The following ENTREP2 variants were observed in gnomAD, a reference collection of about 807,000 sequenced individuals.
The protein encoded by ENTREP2 is endosomal transmembrane epsin interactor 2, also known as protein ENTREP2.
chr15:29,465,622 T>C, the ENTREP2 span, among the ~76,000 whole-genome samples: 1 of 152,232 alleles, frequency 6.6e-6, no homozygotes, highest in Admixed American at 6.5e-5. Flanking sequence ...CTCTAAAGGC[T>C]TCCTGACTCT....
At chr15:29,570,756 C>G in the ENTREP2 span, 1 of 877,762 alleles carries the variant, frequency 1.1e-6, no homozygotes, top group African/African-American at 2.6e-5. Context: ...CGCCCGCTCC[C>G]GCCCGGCCCG....
the ENTREP2 span, among the ~76,000 whole-genome samples, chr15:29,241,804 C>T: frequency 7.2e-5 from 11 of 152,158 alleles, no homozygotes; most frequent in Admixed American, 3.9e-4. Flanking sequence ...AGGCTAAGGC[C>T]GGAGGATCAG....
chr15:29,490,280 G>A, the ENTREP2 span, among the ~76,000 whole-genome samples: 1 of 152,002 alleles, frequency 6.6e-6, no homozygotes, highest in African/African-American at 2.4e-5. Flanking sequence ...CAGAAGCAAA[G>A]CTGCAGAACT....
chr15:29,222,533 A>G, the ENTREP2 span, among the ~76,000 whole-genome samples: 1 of 152,174 alleles, frequency 6.6e-6, no homozygotes, highest in South Asian at 2.1e-4. Context: ...TTTCGGTAAC[A>G]CTGTCACCCT....
the ENTREP2 span, among the ~76,000 whole-genome samples, chr15:29,129,831 C>T: frequency 6.6e-6 from 1 of 152,146 alleles, no homozygotes; most frequent in African/African-American, 2.4e-5. Flanking sequence ...ATGCCAGCTA[C>T]ACACATGTTG....
the ENTREP2 span, among the ~76,000 whole-genome samples, chr15:29,425,688 A>G: frequency 2.6e-5 from 4 of 151,744 alleles, no homozygotes; most frequent in African/African-American, 9.7e-5. Flanking sequence ...ATTTTGTTCA[A>G]TTTTTGTTGT....
chr15:29,601,801 A>C, the ENTREP2 span, among the ~76,000 whole-genome samples: 1 of 152,292 alleles, frequency 6.6e-6, no homozygotes, highest in Middle Eastern at 3.4e-3. Flanking sequence ...GCACAACTAC[A>C]CACTTTGCTG....
chr15:29,664,928 A>G, the ENTREP2 span, among the ~76,000 whole-genome samples: 1 of 152,148 alleles, frequency 6.6e-6, no homozygotes, highest in East Asian at 1.9e-4. Flanking sequence ...CCCCAATCCA[A>G]CTTTCTCTGC....
the ENTREP2 span, among the ~76,000 whole-genome samples, chr15:29,369,263 G>C: frequency 6.6e-6 from 1 of 152,076 alleles, no homozygotes; most frequent in Non-Finnish European, 1.5e-5. Context: ...AACTCAAAGA[G>C]ATCCATGCCT....
chr15:29,158,931 G>A, the ENTREP2 span, among the ~76,000 whole-genome samples: 113 of 151,552 alleles, frequency 7.5e-4, no homozygotes, highest in African/African-American at 2.3e-3. Context: ...TCCAGTCTAC[G>A]TAAGTTATGG....
At chr15:29,269,624 C>T in the ENTREP2 span, 4 of 1,569,430 alleles carry the variant, frequency 2.5e-6, no homozygotes, top group East Asian at 2.5e-5. Context: ...CGCGAAGCCC[C>T]GGGGTTTCCG....
chr15:29,269,251 T>TA, the ENTREP2 span: 1 of 1,614,130 alleles, frequency 6.2e-7, no homozygotes, highest in Non-Finnish European at 8.5e-7. Flanking sequence ...GATGAGGATG[T>TA]AAGTGTTGCT....
At chr15:29,261,192 T>A in the ENTREP2 span, among the ~76,000 whole-genome samples, 17 of 152,270 alleles carry the variant, frequency 1.1e-4, no homozygotes, top group African/African-American at 4.1e-4. Context: ...CTGAGATACA[T>A]GGCAAGATCC....
the ENTREP2 span, among the ~76,000 whole-genome samples, chr15:29,303,633 AC>A: frequency 2.7e-5 from 4 of 145,968 alleles, no homozygotes; most frequent in African/African-American, 7.6e-5. Context: ...TTTGATCCTA[AC>A]CCCCCTCCCC....
chr15:29,189,887 T>C, the ENTREP2 span, among the ~76,000 whole-genome samples: 1 of 152,242 alleles, frequency 6.6e-6, no homozygotes, highest in African/African-American at 2.4e-5. Context: ...GCCGAGACAC[T>C]GTTTCATCAG....
the ENTREP2 span, among the ~76,000 whole-genome samples, chr15:29,479,383 ACTT>A: frequency 6.6e-6 from 1 of 151,934 alleles, no homozygotes; most frequent in Admixed American, 6.6e-5. Context: ...AGTGAATTAA[ACTT>A]CTTTTCTTAT....
At chr15:29,631,572 G>T in the ENTREP2 span, among the ~76,000 whole-genome samples, 1 of 152,212 alleles carries the variant, frequency 6.6e-6, no homozygotes, top group Non-Finnish European at 1.5e-5. Flanking sequence ...CTTTCACACT[G>T]GTCCAGTTCT....
At chr15:29,524,911 T>C in the ENTREP2 span, among the ~76,000 whole-genome samples, 1 of 152,268 alleles carries the variant, frequency 6.6e-6, no homozygotes, top group Non-Finnish European at 1.5e-5. Flanking sequence ...CCGGCTCGAA[T>C]GCCTGGGTTT....
chr15:29,131,437 A>G, the ENTREP2 span, among the ~76,000 whole-genome samples: 1 of 150,854 alleles, frequency 6.6e-6, no homozygotes, highest in African/African-American at 2.4e-5. Context: ...AAGACGCCAA[A>G]CTCCTCAAGG....
Sources: allele counts gnomAD v4.1 joint callset (sites outside exome capture counted in the v4.1 genomes callset), GRCh38; gene constraint gnomAD v4.1.1; transcripts MANE v1.5; gene names NCBI Gene and HGNC (gene_info 2026-07-23, HGNC 2026-07-21).